ADGRL2: variants seen among roughly 807,000 people sequenced by gnomAD.
The protein encoded by ADGRL2 is adhesion G protein-coupled receptor L2.
In ADGRL2, 44 loss-of-function variants were observed where a neutral mutation model predicts 157.4. The ratio of observed to expected loss-of-function variants is 0.28; its 90% CI spans 0.22 to 0.36. The LOEUF is 0.36. Ranked by LOEUF, ADGRL2 falls within the 10% of genes least tolerant of loss-of-function variation. The pLI, the probability that ADGRL2 is intolerant of heterozygous loss-of-function variation, is 1.00. For synonymous variants in ADGRL2, 585 were observed against 624.7 expected (o/e 0.94, Z 0.95); for missense variants, 1,510 against 1,768.9 (o/e 0.85, Z 2.63).
intron 2 of ADGRL2, among the ~76,000 whole-genome samples, chr1:81,845,158 A>G (rs551488633): frequency 6.6e-6 from 1 of 152,098 alleles, no homozygotes; most frequent in Non-Finnish European, 1.5e-5. Context: ...CAGAAACAGT[A>G]TTACTATGCC....
intron 3 of ADGRL2, among the ~76,000 whole-genome samples, chr1:81,640,445 C>T (rs2082197009): frequency 1.3e-5 from 2 of 151,780 alleles, no homozygotes; most frequent in African/African-American, 4.8e-5. Flanking sequence ...CCATCCTGGC[C>T]AACATGGTGA....
At chr1:81,880,259 G>A (rs2093952026) in intron 2 of ADGRL2, among the ~76,000 whole-genome samples, 1 of 152,092 alleles carries the variant, frequency 6.6e-6, no homozygotes, top group Non-Finnish European at 1.5e-5. Flanking sequence ...TGTGTGGGGA[G>A]TTCTTTCTCA....
rs557344980 is a variant in ADGRL2, at chr1:81,702,468, G to A, written c.-143+2660G>A. On this transcript the variant is annotated intron_variant, in intron 1 of 20. Transcript: ENST00000359929. ...CTACATATCACAAGTATGCAAGAAG[G>A]AAGAAGAAAATCCAGGATGGTGAAA... 9.9e-5 allele frequency among the ~76,000 whole-genome samples: 15 copies of A among 152,222 alleles called. No individual in the cohort carries two copies. The South Asian group carries it at 3.1e-3, about 32-fold the overall frequency.
In ADGRL2 at chr1:81,553,670, G is replaced by A. The variant is rs75321623; in HGVS notation, c.-247-27206G>A. Among the ~76,000 whole-genome samples, 426 of 152,258 alleles carry A rather than the reference G, an allele frequency of 2.8e-3. 3 individuals carry two copies. The highest frequency in any genetic ancestry group is 0.01 in the African/African-American group (419 of 41,552). On this transcript the variant is annotated intron_variant, in intron 2 of 24. Transcript: ENST00000370721. ...GCCAAAAAAAGACCATAATGACACA[G>A]AATACAGCATGTGCTTCATAAATTC...
At chr1:81,418,657 G>A (rs1263961644) in intron 1 of ADGRL2, among the ~76,000 whole-genome samples, 2 of 152,162 alleles carry the variant, frequency 1.3e-5, no homozygotes, top group East Asian at 3.9e-4. Flanking sequence ...GGGAGGCTGA[G>A]GCAGGAGAAT....
At chr1:81,801,922 G>A (rs2088232923) in intron 1 of ADGRL2, among the ~76,000 whole-genome samples, 3 of 152,102 alleles carry the variant, frequency 2.0e-5, no homozygotes, top group Admixed American at 2.0e-4. Context: ...GTGCGTGTGT[G>A]TGAAAGACCT....
chr1:81,736,309 T>C (rs1175620168), intron 1 of ADGRL2, among the ~76,000 whole-genome samples: 2 of 152,102 alleles, frequency 1.3e-5, no homozygotes, highest in Admixed American at 1.3e-4. Context: ...ACAGTGACTC[T>C]TGGAGGCAGT....
chr1:81,932,427 T>C (rs992847078), intron 3 of ADGRL2, among the ~76,000 whole-genome samples: 1 of 152,236 alleles, frequency 6.6e-6, no homozygotes, highest in African/African-American at 2.4e-5. Flanking sequence ...GTAAACTGTA[T>C]TATGTACCTC....
At chr1:81,632,683 C>A (rs922031659) in intron 3 of ADGRL2, among the ~76,000 whole-genome samples, 15 of 151,078 alleles carry the variant, frequency 9.9e-5, no homozygotes, top group Non-Finnish European at 1.9e-4. Flanking sequence ...AGCGTGAACC[C>A]GGGAGGCGGA....
chr1:81,555,971 C>T (rs17421455), intron 2 of ADGRL2, among the ~76,000 whole-genome samples: 15,755 of 151,660 alleles, frequency 0.1, 944 homozygotes, highest in Non-Finnish European at 0.14. Context: ...CAAAATTTAG[C>T]GTATCACTGC....
chr1:81,684,627 CT>C (rs1260400776), intron 3 of ADGRL2, among the ~76,000 whole-genome samples: 2 of 152,186 alleles, frequency 1.3e-5, no homozygotes, highest in African/African-American at 4.8e-5. Context: ...TGCAAAAGCT[CT>C]TTCGTTGAAT....
intron 1 of ADGRL2, among the ~76,000 whole-genome samples, chr1:81,409,063 T>C (rs1382079090): frequency 6.6e-6 from 1 of 152,218 alleles, no homozygotes; most frequent in Non-Finnish European, 1.5e-5. Flanking sequence ...TGTTAAAATA[T>C]AGCACACACA....
chr1:81,873,460 A>T (rs1392110742), intron 2 of ADGRL2, among the ~76,000 whole-genome samples: 1 of 152,118 alleles, frequency 6.6e-6, no homozygotes, highest in Non-Finnish European at 1.5e-5. Context: ...TTCTGATTGA[A>T]ATGTAAAAAA....
intron 17 of ADGRL2, among the ~76,000 whole-genome samples, chr1:81,977,517 T>G (rs763784045): frequency 1.3e-4 from 19 of 151,782 alleles, no homozygotes; most frequent in Non-Finnish European, 2.7e-4. Flanking sequence ...TTGTCCCTGA[T>G]TTTTGCCATT....
intron 6 of ADGRL2, among the ~76,000 whole-genome samples, chr1:81,949,568 G>A (rs1651058727): frequency 1.3e-5 from 2 of 152,138 alleles, no homozygotes; most frequent in Non-Finnish European, 2.9e-5. Flanking sequence ...CTTTTTCAAG[G>A]TAACGATGCC....
At chr1:81,785,928 G>C (rs1438306395) in intron 2 of ADGRL2, among the ~76,000 whole-genome samples, 9 of 151,554 alleles carry the variant, frequency 5.9e-5, no homozygotes. Context: ...ACAAAATAGA[G>C]AGACTCTGTC....
rs758893309 is a variant in ADGRL2 at position 81,990,766 on chromosome 1, C to A, written c.4031C>A (p.Ser1344Tyr). The A allele has an allele frequency of 1.2e-6, 2 of 1,614,092 alleles. No individual in the cohort carries two copies. Among genetic ancestry groups the A allele is most frequent in the South Asian group, 2.2e-5 (2 of 91,072 alleles). ...CCACTTATTCCTCAGCGGACTCACT[C>A]CCTTCTGTACCAACCCCAGAAGAAA... is the stretch of plus-strand genomic sequence containing the variant. Reference protein sequence around the residue: ...EAPLIPQRTHSLLYQPQKKVK... With the variant: ...EAPLIPQRTHYLLYQPQKKVK... The change falls in exon 24 of 24, where the codon TCC becomes TAC. Residue 1344 changes from serine (S) to tyrosine (Y), a missense_variant. By Grantham distance (144) the Ser-to-Tyr change is moderately radical. Transcript: ENST00000686636.
intron 1 of ADGRL2, among the ~76,000 whole-genome samples, chr1:81,306,871 T>C (rs1012431686): frequency 2.0e-5 from 2 of 100,456 alleles, no homozygotes; most frequent in Non-Finnish European, 4.3e-5. Context: ...AATTCAACCG[T>C]AACAAATTTT....
At chr1:81,987,115 G>T (rs538345307) in intron 22 of ADGRL2, 86 bp downstream of exon 22, 6 of 1,476,846 alleles carry the variant, frequency 4.1e-6, no homozygotes, top group Non-Finnish European at 4.6e-6. Context: ...TATTCAAGTT[G>T]TCATATATTT....
Sources: gnomAD v4.1 joint callset for allele counts (sites outside exome capture counted in the v4.1 genomes callset) on GRCh38, gnomAD v4.1.1 for gene constraint, MANE v1.5 for transcripts, NCBI Gene and HGNC (gene_info 2026-07-23, HGNC 2026-07-21) for gene names.